Variants in SAMD4A observed in about 807,000 individuals in gnomAD.
SAMD4A encodes the protein sterile alpha motif domain containing 4A.
In SAMD4A, 33 loss-of-function variants were observed where a neutral mutation model predicts 81.3. The ratio of observed to expected loss-of-function variants is 0.41; its 90% CI spans 0.31 to 0.54. SAMD4A has a LOEUF of 0.54. SAMD4A is among the 20% of genes least tolerant of loss of function. The pLI, the probability that SAMD4A is intolerant of heterozygous loss-of-function variation, is 0.37. For synonymous variants in SAMD4A, 389 were observed against 382.1 expected (o/e 1.02, Z -0.21); for missense variants, 854 against 951.1 (o/e 0.90, Z 1.34).
At chr14:54,706,717 G>A (rs1177520880) in intron 3 of SAMD4A, among the ~76,000 whole-genome samples, 2 of 151,964 alleles carry the variant, frequency 1.3e-5, no homozygotes, top group African/African-American at 4.8e-5. Flanking sequence ...CTGGAGGGGA[G>A]GGGGCCCCTG....
At chr14:54,644,629 T>C (rs560041827) in intron 2 of SAMD4A, among the ~76,000 whole-genome samples, 7 of 152,332 alleles carry the variant, frequency 4.6e-5, no homozygotes, top group African/African-American at 1.7e-4. Flanking sequence ...GTGTGGAACC[T>C]CTGCATGGCC....
At chr14:54,615,819 G>A (rs920099352) in intron 2 of SAMD4A, among the ~76,000 whole-genome samples, 1 of 151,874 alleles carries the variant, frequency 6.6e-6, no homozygotes, top group African/African-American at 2.4e-5. Flanking sequence ...GTGAGAGCAC[G>A]GGCTCTAAAA....
At chr14:54,724,007 T>TGGATGGATGGAAGGAAGGAAGGAA (rs1555347506) in intron 3 of SAMD4A, among the ~76,000 whole-genome samples, 2 of 124,176 alleles carry the variant, frequency 1.6e-5, no homozygotes, top group African/African-American at 3.0e-5. Flanking sequence ...GATGGATGGA[T>TGGATGGATGGAAGGAAGGAAGGAA]GGAAGGAAGG....
intron 3 of SAMD4A, among the ~76,000 whole-genome samples, chr14:54,717,731 G>T (rs951506273): frequency 6.6e-6 from 1 of 152,100 alleles, no homozygotes; most frequent in Non-Finnish European, 1.5e-5. Context: ...GACTGACAAC[G>T]TGATTGAGGC....
chr14:54,614,638 T>C (rs552808991), intron 2 of SAMD4A, among the ~76,000 whole-genome samples: 1 of 152,362 alleles, frequency 6.6e-6, no homozygotes, highest in East Asian at 1.9e-4. Flanking sequence ...TATTTTGTTT[T>C]CATAAAGTGT....
At chr14:54,726,433 A>G (rs1210754716) in intron 3 of SAMD4A, among the ~76,000 whole-genome samples, 1 of 152,310 alleles carries the variant, frequency 6.6e-6, no homozygotes, top group African/African-American at 2.4e-5. Context: ...TTGCATGGGA[A>G]TCCAAAGCAA....
At position 54,790,671 on chromosome 14, in the gene SAMD4A, G is replaced by GTTGTGTGT. The variant is rs1213996596; in HGVS notation, c.*1728_*1735dup. 48 of 135,358 alleles carry GTTGTGTGT rather than the reference G, an allele frequency of 3.5e-4. No homozygotes were observed. Among genetic ancestry groups the GTTGTGTGT allele is most frequent in the Non-Finnish European group, 5.3e-4 (35 of 66,178 alleles). 8.4% of individuals were successfully genotyped at this position (135,358 alleles called of 1,614,324 possible). A position where few individuals can be genotyped will look rare whatever the true frequency, so the allele number is the denominator to read the frequency against. ...GTTACATGGATGAGTCGGGTGCCTGGTTGTGTGTGTGTGTGTGTGTGTGTG... is the reference window on the plus strand; with the variant it reads ...GTTACATGGATGAGTCGGGTGCCTGGTTGTGTGTTTGTGTGTGTGTGTGTGTGTGTGTG... On this transcript the variant is annotated 3_prime_UTR_variant, in exon 13 of 13. Coordinates refer to ENST00000554335, the MANE Select transcript of SAMD4A (RefSeq NM_015589.6).
At chr14:54,733,562 T>A (rs1485117243) in intron 3 of SAMD4A, among the ~76,000 whole-genome samples, 1 of 152,236 alleles carries the variant, frequency 6.6e-6, no homozygotes, top group Non-Finnish European at 1.5e-5. Context: ...AAATGCAGTA[T>A]AAATTGAGGA....
intron 2 of SAMD4A, among the ~76,000 whole-genome samples, chr14:54,570,840 A>G (rs1193642228): frequency 1.3e-5 from 2 of 152,200 alleles, no homozygotes; most frequent in African/African-American, 4.8e-5. Flanking sequence ...GCTCTTACCA[A>G]TTCAGAAAAC....
At chr14:54,621,639 GC>G (rs5808780) in intron 2 of SAMD4A, among the ~76,000 whole-genome samples, 95,938 of 151,726 alleles carry the variant, frequency 0.63, 30,553 homozygotes, top group Middle Eastern at 0.69. Context: ...TGGGATTATA[GC>G]CGTGAGCCAC....
At chr14:54,764,819 A>C (rs2139882190) in intron 8 of SAMD4A, among the ~76,000 whole-genome samples, 1 of 152,350 alleles carries the variant, frequency 6.6e-6, no homozygotes, top group African/African-American at 2.4e-5. Flanking sequence ...CGGGTGGCCA[A>C]GCCTCAGAGG....
At chr14:54,737,734 T>C (rs978549466) in intron 4 of SAMD4A, among the ~76,000 whole-genome samples, 3 of 151,758 alleles carry the variant, frequency 2.0e-5, no homozygotes, top group African/African-American at 4.8e-5. Flanking sequence ...TATAAGTCTA[T>C]GTTAATGCAG....
intron 2 of SAMD4A, among the ~76,000 whole-genome samples, chr14:54,640,591 G>T (rs2035151974): frequency 6.6e-6 from 1 of 152,172 alleles, no homozygotes; most frequent in Admixed American, 6.5e-5. Context: ...TAGCAGTCTG[G>T]TGGTAACAGC....
chr14:54,639,540 C>G (rs773082221), intron 2 of SAMD4A, among the ~76,000 whole-genome samples: 1 of 152,232 alleles, frequency 6.6e-6, no homozygotes, highest in South Asian at 2.1e-4. Context: ...AGCAGCTGGG[C>G]CACATGCAGC....
chr14:54,668,558 T>C (rs1271544738), intron 2 of SAMD4A, among the ~76,000 whole-genome samples: 3 of 152,256 alleles, frequency 2.0e-5, no homozygotes, highest in Non-Finnish European at 4.4e-5. Flanking sequence ...TGTAGCTTTC[T>C]ATCTCTGTCC....
In SAMD4A at chr14:54,623,849, C is replaced by T. The variant is rs370710839; in HGVS notation, c.196+55737C>T. ...AAATGGACTATGGCTGCCCAGGGCC[C>T]CTTCTCCTCTAACTTAACCAGGAAG... On this transcript the variant is annotated intron_variant, in intron 2 of 12. Coordinates refer to ENST00000554335, the MANE Select transcript of SAMD4A (RefSeq NM_015589.6). Among the ~76,000 whole-genome samples the T allele has an allele frequency of 9.8e-4, 149 of 152,292 alleles. 3 individuals are homozygous for T. In the South Asian group the frequency reaches 0.017, roughly 18 times the overall value.
At chr14:54,684,412 C>A (rs1594806789) in intron 2 of SAMD4A, among the ~76,000 whole-genome samples, 1 of 152,248 alleles carries the variant, frequency 6.6e-6, no homozygotes. Context: ...AGCTTTCAAA[C>A]CTTTTCCAGA....
intron 8 of SAMD4A, among the ~76,000 whole-genome samples, chr14:54,767,583 C>G (rs923944999): frequency 6.6e-6 from 1 of 152,208 alleles, no homozygotes; most frequent in Non-Finnish European, 1.5e-5. Context: ...CATCTTCCTC[C>G]AGACAGATGC....
At chr14:54,712,508 ATTGT>A (rs1566598964) in intron 3 of SAMD4A, among the ~76,000 whole-genome samples, 7 of 152,088 alleles carry the variant, frequency 4.6e-5, no homozygotes, top group Non-Finnish European at 8.8e-5. Flanking sequence ...TACATACTAC[ATTGT>A]AAACATGACT....
Sources: allele counts gnomAD v4.1 joint callset (sites outside exome capture counted in the v4.1 genomes callset), GRCh38; gene constraint gnomAD v4.1.1; transcripts MANE v1.5; gene names NCBI Gene and HGNC (gene_info 2026-07-23, HGNC 2026-07-21).